Variants in RABGAP1L observed in about 807,000 individuals in gnomAD.
RABGAP1L encodes rab GTPase-activating protein 1-like.
In RABGAP1L, 63 loss-of-function variants were observed where a neutral mutation model predicts 137.7. The observed-to-expected ratio is 0.46, with a 90% CI of 0.37 to 0.56. The LOEUF (loss-of-function observed/expected upper bound fraction) is 0.56, where lower values mean the gene tolerates loss of function less well. Among genes scored for constraint, RABGAP1L ranks in the 20% least tolerant of loss-of-function variants. RABGAP1L has a pLI of 0.00. For synonymous variants in RABGAP1L, 431 were observed against 433.7 expected (o/e 0.99, Z 0.08); for missense variants, 1,095 against 1,244.0 (o/e 0.88, Z 1.80).
intron 19 of RABGAP1L, among the ~76,000 whole-genome samples, chr1:174,848,588 C>T (rs1352022511): frequency 6.8e-6 from 1 of 147,202 alleles, no homozygotes; most frequent in Non-Finnish European, 1.5e-5. Context: ...TGCCCGTTCT[C>T]AGATCTCCAG....
intron 1 of RABGAP1L, among the ~76,000 whole-genome samples, chr1:174,179,428 G>A (rs1346954007): frequency 1.3e-5 from 2 of 152,168 alleles, no homozygotes; most frequent in East Asian, 3.9e-4. Flanking sequence ...ATACTTTGGT[G>A]TGCAGCAGAA....
At chr1:174,824,450 G>A (rs747440004) in intron 19 of RABGAP1L, among the ~76,000 whole-genome samples, 4 of 152,042 alleles carry the variant, frequency 2.6e-5, no homozygotes, top group African/African-American at 7.2e-5. Flanking sequence ...AGCTGAGATC[G>A]TGCCACTGCA....
intron 13 of RABGAP1L, among the ~76,000 whole-genome samples, chr1:174,633,438 C>T (rs1572613130): frequency 6.6e-6 from 1 of 151,332 alleles, no homozygotes; most frequent in Non-Finnish European, 1.5e-5. Flanking sequence ...GAATCAATAT[C>T]GTGAAAATGG....
intron 15 of RABGAP1L, among the ~76,000 whole-genome samples, chr1:174,696,525 A>G (rs1679272191): frequency 6.6e-6 from 1 of 152,086 alleles, no homozygotes; most frequent in Admixed American, 6.6e-5. Flanking sequence ...ACTGCTTTTC[A>G]AATTTGTTCA....
chr1:174,617,772 G>C (rs2148250458), intron 13 of RABGAP1L, among the ~76,000 whole-genome samples: 1 of 152,314 alleles, frequency 6.6e-6, no homozygotes, highest in South Asian at 2.1e-4. Flanking sequence ...AACAGCTCCA[G>C]TCTACATCTC....
At chr1:174,185,863 TCGGG>T (rs1432891120) in intron 1 of RABGAP1L, among the ~76,000 whole-genome samples, 1 of 152,048 alleles carries the variant, frequency 6.6e-6, no homozygotes, top group African/African-American at 2.4e-5. Context: ...TTGCTTAAAG[TCGGG>T]GCGCGGTGGC....
chr1:174,682,915 T>C (rs370997949), intron 14 of RABGAP1L, among the ~76,000 whole-genome samples: 1 of 152,340 alleles, frequency 6.6e-6, no homozygotes, highest in South Asian at 2.1e-4. Context: ...GTCAGCCATT[T>C]TGCAAAAAGC....
chr1:174,250,447 A>G (rs1396182989), intron 5 of RABGAP1L, 28 bp from the exon 6 acceptor site: 3 of 1,571,622 alleles, frequency 1.9e-6, no homozygotes, highest in Non-Finnish European at 2.6e-6. Context: ...ACCTTTGCCT[A>G]ATGGTATTTC....
intron 13 of RABGAP1L, among the ~76,000 whole-genome samples, chr1:174,415,936 A>G (rs1360775180): frequency 2.0e-5 from 3 of 151,406 alleles, no homozygotes; most frequent in African/African-American, 4.9e-5. Flanking sequence ...TCTTTATTTT[A>G]TACTATTTAA....
At chr1:174,363,084 A>G (rs1047052593) in intron 11 of RABGAP1L, among the ~76,000 whole-genome samples, 6 of 152,084 alleles carry the variant, frequency 3.9e-5, no homozygotes, top group East Asian at 1.9e-4. Context: ...TTTGTTGCAG[A>G]TAGTTGTAGA....
At chr1:174,249,443 A>T in intron 5 of RABGAP1L, among the ~76,000 whole-genome samples, 1 of 152,202 alleles carries the variant, frequency 6.6e-6, no homozygotes, top group Non-Finnish European at 1.5e-5. Context: ...ATATCATTTT[A>T]GTAAATTATC....
At chr1:174,387,310 G>A (rs1420098650) in intron 12 of RABGAP1L, among the ~76,000 whole-genome samples, 3 of 152,120 alleles carry the variant, frequency 2.0e-5, no homozygotes, top group Admixed American at 6.5e-5. Flanking sequence ...ATTTAAAGAT[G>A]AGTAAGGATA....
chr1:174,957,723 CTTTTTT>C (rs34143059), intron 20 of RABGAP1L, 174 bp downstream of exon 20: 143 of 505,600 alleles, frequency 2.8e-4, no homozygotes, highest in Non-Finnish European at 3.1e-4. Flanking sequence ...AGCAAAGTAC[CTTTTTT>C]TTTTTTTTTT....
chr1:174,350,510 G>A (rs1252667547), intron 11 of RABGAP1L, among the ~76,000 whole-genome samples: 3 of 138,694 alleles, frequency 2.2e-5, no homozygotes, highest in African/African-American at 5.5e-5. Flanking sequence ...GGGCAGAGAC[G>A]CTCCTCACTT....
rs1453267715 is a variant in RABGAP1L at position 174,957,350 on chromosome 1, T to C, written c.2341-107T>C. ...TCTCTATTTTTCTCCTAACTTTGAG[T>C]TGAGCATGTTCCCTTAGAATGCCAG... On this transcript the variant is annotated intron_variant, in intron 19 of 25. Transcript: ENST00000681986. 4.3e-5 allele frequency: 35 copies of C among 816,014 alleles called. 1 individual carries two copies. In the Admixed American group the frequency reaches 7.9e-4, roughly 18 times the overall value. 50.5% of individuals were successfully genotyped at this position (816,014 alleles called of 1,614,324 possible). A position where few individuals can be genotyped will look rare whatever the true frequency, so the allele number is the denominator to read the frequency against.
intron 20 of RABGAP1L, among the ~76,000 whole-genome samples, chr1:174,967,741 G>A (rs959631442): frequency 6.6e-6 from 1 of 151,808 alleles, no homozygotes; most frequent in Non-Finnish European, 1.5e-5. Context: ...CCGGTCTCAG[G>A]CTCCCAAAGT....
At chr1:174,650,801 AT>A (rs1675416957) in intron 14 of RABGAP1L, among the ~76,000 whole-genome samples, 1 of 147,024 alleles carries the variant, frequency 6.8e-6, no homozygotes, top group East Asian at 1.9e-4. Context: ...GGATTCATTA[AT>A]TTTTTGAAGG....
chr1:174,415,870 A>G (rs1650494457), intron 13 of RABGAP1L, among the ~76,000 whole-genome samples: 1 of 151,842 alleles, frequency 6.6e-6, no homozygotes, highest in Non-Finnish European at 1.5e-5. Context: ...ATGTTCACAT[A>G]ATTTTTGACT....
chr1:174,260,640 G>A (rs147315523), intron 7 of RABGAP1L, among the ~76,000 whole-genome samples: 2 of 152,286 alleles, frequency 1.3e-5, no homozygotes, highest in East Asian at 1.9e-4. Context: ...CTGACTAGCT[G>A]CCATTATTAT....
Sources: allele counts gnomAD v4.1 joint callset (sites outside exome capture counted in the v4.1 genomes callset), GRCh38; gene constraint gnomAD v4.1.1; transcripts MANE v1.5; gene names NCBI Gene and HGNC (gene_info 2026-07-23, HGNC 2026-07-21).